SRP19: variants seen among roughly 807,000 people sequenced by gnomAD.
SRP19 encodes signal recognition particle 19, also known as signal recognition particle 19 kDa protein.
A neutral mutation model predicts 22.4 loss-of-function variants in SRP19; 11 were observed. The observed-to-expected ratio is 0.49, with a 90% CI of 0.31 to 0.81. The LOEUF (loss-of-function observed/expected upper bound fraction) is 0.81. Among genes scored for constraint, SRP19 ranks in the 40% least tolerant of loss-of-function variants. SRP19 has a pLI of 0.05. For synonymous variants in SRP19, 61 were observed against 57.6 expected (o/e 1.06, Z -0.27); for missense variants, 168 against 175.9 (o/e 0.96, Z 0.25).
intron 4 of SRP19, among the ~76,000 whole-genome samples, chr5:112,865,643 G>A (rs904567033): frequency 2.6e-5 from 4 of 151,442 alleles, no homozygotes; most frequent in Non-Finnish European, 5.9e-5. Context: ...GCTCTGGCTG[G>A]AGTACAGTGG....
In SRP19 at chr5:112,862,868, C is replaced by T. The variant is rs571982641; in HGVS notation, c.117+285C>T. On this transcript the variant is annotated intron_variant, in intron 2 of 4. Transcript: ENST00000505459. ...CATGTTTTTAAAACAAAGGTTATGA[C>T]GGTGTTTCCCTTGATATAGGAAATC... 6.6e-5 allele frequency among the ~76,000 whole-genome samples: 10 copies of T among 152,208 alleles called. No homozygotes were observed. In the South Asian group the frequency reaches 1.7e-3, roughly 25 times the overall value.
In SRP19 at chr5:112,867,818, T is replaced by G; in HGVS notation, c.*281T>G. The G allele has an allele frequency of 1.8e-6, 2 of 1,091,512 alleles. No homozygotes were observed. The highest frequency in any genetic ancestry group is 1.1e-6 in the Non-Finnish European group (1 of 898,540). 67.6% of individuals were successfully genotyped at this position (1,091,512 alleles called of 1,614,324 possible). A position where few individuals can be genotyped will look rare whatever the true frequency, so the allele number is the denominator to read the frequency against. On this transcript the variant is annotated 3_prime_UTR_variant, in exon 5 of 5. Transcript: ENST00000505459. ...ACAATGGACTGTACAATAAGTTACT[T>G]GAAATAAGTTGTTTCAGATAAATTT... is the stretch of plus-strand genomic sequence containing the variant.
chr5:112,885,832 T>A, intron 4 of SRP19: 1 of 202,162 alleles, frequency 4.9e-6, no homozygotes, highest in Non-Finnish European at 1.1e-5. Flanking sequence ...AGGAAGCACC[T>A]CTCAGCCTTT....
chr5:112,876,824 GAAC>G (rs1274822285), intron 4 of SRP19: 2 of 149,460 alleles, frequency 1.3e-5, no homozygotes, highest in Admixed American at 1.3e-4. Flanking sequence ...GGTCTCAAGG[GAAC>G]AAAAAAAAAT....
chr5:112,880,554 T>C (rs951864939), intron 4 of SRP19, among the ~76,000 whole-genome samples: 1 of 152,226 alleles, frequency 6.6e-6, no homozygotes, highest in Admixed American at 6.5e-5. Flanking sequence ...GGAGAAAATG[T>C]AGTCCTTCCC....
chr5:112,892,939 C>T lies in SRP19; in HGVS notation c.*1332C>T, dbSNP rs61733663. The T allele has an allele frequency of 1.7e-5, 27 of 1,599,880 alleles. 2 individuals are homozygous for T. The South Asian group carries it at 2.8e-4, about 16-fold the overall frequency. Reference sequence around the variant, plus strand: ...ACCAAGCAGAGGAAGAAATAGGCACCGCAGCTGGGACCAGGGCCGCCGGAG... The same window carrying T: ...ACCAAGCAGAGGAAGAAATAGGCACTGCAGCTGGGACCAGGGCCGCCGGAG... On this transcript the variant is annotated 3_prime_UTR_variant, in exon 5 of 5. Transcript: ENST00000391338.
At chr5:112,862,471 G>T in intron 1 of SRP19, 37 bp from the exon 2 acceptor site, 1 of 1,591,068 alleles carries the variant, frequency 6.3e-7, no homozygotes, top group African/African-American at 1.3e-5. Flanking sequence ...GCCTCTTACT[G>T]CTCTAGTGAT....
downstream of SRP19, chr5:112,894,911 A>T (rs925409776): frequency 2.4e-4 from 36 of 152,344 alleles, no homozygotes; most frequent in African/African-American, 8.4e-4. Context: ...CAGAGCATTA[A>T]GGTGAAGTGA....
At chr5:112,882,612 A>G (rs1339666327) in intron 4 of SRP19, among the ~76,000 whole-genome samples, 6 of 152,164 alleles carry the variant, frequency 3.9e-5, no homozygotes, top group African/African-American at 1.2e-4. Context: ...CTGACAGTCC[A>G]TTTACTCTCC....
chr5:112,888,807 G>A (rs1480351529), intron 4 of SRP19, among the ~76,000 whole-genome samples: 1 of 150,756 alleles, frequency 6.6e-6, no homozygotes, highest in African/African-American at 2.5e-5. Flanking sequence ...GATTGCTTGG[G>A]CCCAGGAGTT....
chr5:112,895,204 A>T (rs1768641681), downstream of SRP19: 1 of 116,118 alleles, frequency 8.6e-6, no homozygotes, highest in Non-Finnish European at 1.7e-5. Flanking sequence ...GCGCCACTGC[A>T]CTCCAGCCTG....
At chr5:112,892,999 A>G in exon 5 of SRP19, 2 of 1,575,192 alleles carry the variant, frequency 1.3e-6, no homozygotes, top group South Asian at 2.2e-5. Context: ...CCGGAGCCAA[A>G]GTTCCTCTAG....
intron 4 of SRP19, chr5:112,877,370 A>G (rs1767929797): frequency 6.6e-6 from 1 of 152,204 alleles, no homozygotes; most frequent in Non-Finnish European, 1.5e-5. Flanking sequence ...CACTTGTTTT[A>G]GTCGAGTTTA....
chr5:112,876,023 G>T (rs145583481), intron 4 of SRP19, among the ~76,000 whole-genome samples: 5,241 of 135,946 alleles, frequency 0.039, 223 homozygotes, highest in East Asian at 0.18. Context: ...GACAGAGCAA[G>T]ACTCCATCTC....
intron 4 of SRP19, among the ~76,000 whole-genome samples, chr5:112,888,765 A>G (rs979827556): frequency 3.3e-5 from 5 of 150,946 alleles, no homozygotes; most frequent in African/African-American, 1.2e-4. Context: ...ATGCACCTGT[A>G]GTCCCAGTGA....
intron 4 of SRP19, chr5:112,887,202 A>C: frequency 6.4e-7 from 1 of 1,556,232 alleles, no homozygotes; most frequent in Non-Finnish European, 8.8e-7. Flanking sequence ...AAAAAGAGCC[A>C]GCATGGGTAA....
rs1767529306 is a variant in SRP19, at chr5:112,864,632, G to A, written c.201G>A (p.Met67Ile). The change falls in exon 4 of 5, where the codon ATG becomes ATA. Residue 67 changes from methionine to isoleucine, a missense_variant. Transcript: ENST00000505459. The stretch of plus-strand genomic sequence containing the variant: ...TTCGTTTATGTTAGAAAAATAAAAT[G>A]TACTCTAGAGAATGGAATCGTGATG... ...GLNVFLEKNK[M>I]YSREWNRDVQ... is the part of the protein sequence containing the mutation. The A allele has an allele frequency of 6.2e-7, 1 of 1,613,944 alleles. No individual in the cohort carries two copies. The highest frequency in any genetic ancestry group is 1.7e-5 in the Admixed American group (1 of 60,004).
chr5:112,884,581 G>C (rs746157520), intron 4 of SRP19, among the ~76,000 whole-genome samples: 1 of 151,800 alleles, frequency 6.6e-6, no homozygotes, highest in African/African-American at 2.4e-5. Context: ...CTCCATAGGA[G>C]ACCCTGTCAC....
At chr5:112,895,633 C>T (rs1210221642), downstream of SRP19, 2 of 152,178 alleles carry the variant, frequency 1.3e-5, no homozygotes, top group Non-Finnish European at 2.9e-5. Flanking sequence ...TAGCTACATC[C>T]TTAGCATTTT....
Sources: gnomAD v4.1 joint callset for allele counts (sites outside exome capture counted in the v4.1 genomes callset) on GRCh38, gnomAD v4.1.1 for gene constraint, MANE v1.5 for transcripts, NCBI Gene and HGNC (gene_info 2026-07-23, HGNC 2026-07-21) for gene names.